KCNH1: variants seen among roughly 807,000 people sequenced by gnomAD.
KCNH1 encodes the protein voltage-gated delayed rectifier potassium channel KCNH1.
A neutral mutation model predicts 69.2 loss-of-function variants in KCNH1; 27 were observed. That is an observed-to-expected ratio of 0.39 (90% CI 0.29 to 0.54). The LOEUF (loss-of-function observed/expected upper bound fraction) is 0.54, where lower values mean the gene tolerates loss of function less well. KCNH1 is among the 20% of genes least tolerant of loss of function. The pLI is 0.68. For synonymous variants in KCNH1, 456 were observed against 487.7 expected, an observed-to-expected ratio of 0.93 and a Z score of 0.86; for missense variants, 798 against 1,261.6, an observed-to-expected ratio of 0.63 and a Z score of 5.57.
At position 210,920,047 on chromosome 1, in the gene KCNH1, G is replaced by A; in HGVS notation, c.1055C>T (p.Ser352Phe). ...ACGGAGCAGCCGGACAACTTTTAGA[G>A]AGCTGAACAGGCTGCTGATGCCCTG... ...ESQGISSLFS[S>F]LKVVRLLRLG... The change falls in exon 7 of 11, where the codon TCT becomes TTT. Residue 352 changes from serine to phenylalanine, a missense_variant. By Grantham distance (155) the Ser-to-Phe change is radical (BLOSUM62 -2). This residue lies in a region of KCNH1 where 266 missense variants were observed against 457.2 expected (regional missense o/e 0.58). Transcript: ENST00000271751. 1 of 1,613,608 alleles carries A rather than the reference G, an allele frequency of 6.2e-7. No individual in the cohort carries two copies. Among genetic ancestry groups the A allele is most frequent in the Middle Eastern group, 1.6e-4 (1 of 6,062 alleles).
intron 10 of KCNH1, among the ~76,000 whole-genome samples, chr1:210,743,259 G>A (rs1340236800): frequency 6.6e-6 from 1 of 152,136 alleles, no homozygotes; most frequent in Non-Finnish European, 1.5e-5. Flanking sequence ...GCTACTAAGT[G>A]CACAATCATA....
chr1:210,715,487 C>T (rs1260734279), intron 10 of KCNH1, among the ~76,000 whole-genome samples: 1 of 147,828 alleles, frequency 6.8e-6, no homozygotes, highest in African/African-American at 2.5e-5. Context: ...CACAATATAG[C>T]AAGACCCTGT....
chr1:210,720,337 G>T (rs906684923), intron 10 of KCNH1, among the ~76,000 whole-genome samples: 1 of 152,118 alleles, frequency 6.6e-6, no homozygotes, highest in Non-Finnish European at 1.5e-5. Flanking sequence ...CAAGGCAGGA[G>T]GTATAACGCA....
In KCNH1 at chr1:210,838,270, C is replaced by T. The variant is rs563643608; in HGVS notation, c.1463-34104G>A. The stretch of plus-strand genomic sequence containing the variant: ...AGTATTCCCTATTTAATAAATGGTG[C>T]TGGGAGAACTGGCTAGGCATATGCA... On this transcript the variant is annotated intron_variant, in intron 7 of 10. Transcript: ENST00000271751. Among the ~76,000 whole-genome samples, 5 of 152,222 alleles carry T rather than the reference C, an allele frequency of 3.3e-5. No individual in the cohort carries two copies. In the South Asian group the frequency reaches 1.0e-3, roughly 32 times the overall value.
intron 1 of KCNH1, among the ~76,000 whole-genome samples, chr1:211,109,529 G>A (rs1433255448): frequency 1.3e-5 from 2 of 152,138 alleles, no homozygotes; most frequent in Admixed American, 6.5e-5. Flanking sequence ...TCCTGAAATA[G>A]TAGTTAATTT....
chr1:210,870,953 C>T (rs1686227542), intron 7 of KCNH1, among the ~76,000 whole-genome samples: 2 of 152,160 alleles, frequency 1.3e-5, no homozygotes, highest in South Asian at 4.1e-4. Flanking sequence ...TAGCCCCAGA[C>T]AATTTACTGA....
At chr1:210,851,025 C>T (rs947091627) in intron 7 of KCNH1, among the ~76,000 whole-genome samples, 3 of 152,230 alleles carry the variant, frequency 2.0e-5, no homozygotes, top group African/African-American at 4.8e-5. Flanking sequence ...ACCTAAAGAG[C>T]TGTTCAATAT....
intron 6 of KCNH1, among the ~76,000 whole-genome samples, chr1:210,922,414 A>G (rs1242921908): frequency 6.8e-6 from 1 of 146,180 alleles, no homozygotes; most frequent in Admixed American, 6.9e-5. Context: ...AAAAAAAAAA[A>G]AAAAAAACCT....
At chr1:210,922,680 A>G (rs1371111730) in intron 6 of KCNH1, among the ~76,000 whole-genome samples, 1 of 152,146 alleles carries the variant, frequency 6.6e-6, no homozygotes, top group Non-Finnish European at 1.5e-5. Context: ...AAAATCCCTT[A>G]TACTAAGGTA....
rs186390707 is a variant in KCNH1, at chr1:210,693,893, C to T, written c.2113-9755G>A. Among the ~76,000 whole-genome samples, 16 of 152,252 alleles carry T rather than the reference C, an allele frequency of 1.1e-4. No homozygotes were observed. In the East Asian group the frequency reaches 2.7e-3, roughly 26 times the overall value. On this transcript the variant is annotated intron_variant, in intron 10 of 10. Transcript: ENST00000271751. ...AGGGCTTTGGCCCCTAATGTTGTCC[C>T]CCATCCTAGGAACCAGATGGAAGCA...
At chr1:211,060,768 T>A (rs1174622277) in intron 5 of KCNH1, among the ~76,000 whole-genome samples, 1 of 151,982 alleles carries the variant, frequency 6.6e-6, no homozygotes, top group Admixed American at 6.6e-5. Flanking sequence ...CATGAAGTAA[T>A]CCAAAACCTG....
chr1:210,790,392 C>A lies in KCNH1; in HGVS notation c.1915+7116G>T, dbSNP rs569183873. Among the ~76,000 whole-genome samples the A allele has an allele frequency of 2.6e-5, 4 of 152,256 alleles. No individual in the cohort carries two copies. In the East Asian group the frequency reaches 7.7e-4, roughly 29 times the overall value. ...TCTTCTACCACTGATGCCTCCATTT[C>A]CCCACTCATCAGAATCGCCTCTCTT... On this transcript the variant is annotated intron_variant, in intron 9 of 10. Coordinates refer to ENST00000271751, the MANE Select transcript of KCNH1 (RefSeq NM_172362.3).
chr1:210,985,169 CT>C (rs1472224300), intron 6 of KCNH1, among the ~76,000 whole-genome samples: 1 of 152,062 alleles, frequency 6.6e-6, no homozygotes, highest in Non-Finnish European at 1.5e-5. Context: ...TGATTCTTCT[CT>C]CTTTTGTTCT....
At chr1:211,030,076 T>C (rs371213668) in intron 5 of KCNH1, among the ~76,000 whole-genome samples, 1 of 152,192 alleles carries the variant, frequency 6.6e-6, no homozygotes, top group Non-Finnish European at 1.5e-5. Flanking sequence ...AAGATATCCA[T>C]TCGCTCCAAA....
At chr1:210,935,812 G>A (rs887278915) in intron 6 of KCNH1, among the ~76,000 whole-genome samples, 21 of 152,284 alleles carry the variant, frequency 1.4e-4, no homozygotes, top group Non-Finnish European at 2.5e-4. Context: ...ATCTACGACC[G>A]GAGAGAATGC....
At chr1:211,004,792 GAA>G (rs1328497648) in intron 6 of KCNH1, among the ~76,000 whole-genome samples, 1 of 151,992 alleles carries the variant, frequency 6.6e-6, no homozygotes, top group Non-Finnish European at 1.5e-5. Context: ...TTAAGGGATA[GAA>G]AAATATACCA....
At chr1:210,909,908 C>T (rs1687193030) in intron 7 of KCNH1, among the ~76,000 whole-genome samples, 1 of 152,196 alleles carries the variant, frequency 6.6e-6, no homozygotes, top group Non-Finnish European at 1.5e-5. Flanking sequence ...ATCCAGAAAT[C>T]CCTGGTGGAG....
intron 7 of KCNH1, among the ~76,000 whole-genome samples, chr1:210,891,756 C>G (rs1301140987): frequency 1.3e-5 from 2 of 152,156 alleles, no homozygotes; most frequent in Non-Finnish European, 2.9e-5. Flanking sequence ...TATAAAGACT[C>G]ATGCACATGT....
chr1:210,686,807 G>A (rs934789578), intron 10 of KCNH1, among the ~76,000 whole-genome samples: 1 of 152,112 alleles, frequency 6.6e-6, no homozygotes, highest in Non-Finnish European at 1.5e-5. Context: ...GTCCCTGAGG[G>A]TTTAGAACAG....
Sources: gnomAD v4.1 joint callset for allele counts (sites outside exome capture counted in the v4.1 genomes callset) on GRCh38, gnomAD v4.1.1 for gene constraint, gnomAD v4.1.1 regional missense constraint, MANE v1.5 for transcripts, NCBI Gene and HGNC (gene_info 2026-07-23, HGNC 2026-07-21) for gene names.